The following CELF4 variants were observed in gnomAD, a reference collection of about 807,000 sequenced individuals.
CELF4 encodes CUGBP Elav-like family member 4.
CELF4 carries 18 observed loss-of-function variants against 59.9 expected under a neutral mutation model. The observed-to-expected ratio is 0.30, with a 90% confidence interval of 0.21 to 0.45. CELF4 has a LOEUF of 0.45. Among genes scored for constraint, CELF4 ranks in the 20% least tolerant of loss-of-function variants. The pLI is 1.00. For synonymous variants in CELF4, 261 were observed against 267.1 expected (o/e 0.98, Z 0.22); for missense variants, 456 against 689.0 (o/e 0.66, Z 3.79).
At position 37,246,646 on chromosome 18, in the gene CELF4, C is replaced by T. The variant is rs2062269173; in HGVS notation, c.*45-1449G>A. On this transcript the variant is annotated intron_variant, in intron 12 of 12. Transcript: ENST00000420428. This position sits in a 1 kb window ranked among gnomAD's most constrained non-coding sequence, Gnocchi z 5.3. The stretch of plus-strand genomic sequence containing the variant: ...GAAAATAGCCTAACTGGAAAAAGAC[C>T]AGACCTAGGAAAGTGTCAATTGAAA... Among the ~76,000 whole-genome samples, 1 of 151,660 alleles carries T rather than the reference C, an allele frequency of 6.6e-6. No individual in the cohort carries two copies. The highest frequency in any genetic ancestry group is 2.4e-5 in the African/African-American group (1 of 41,222).
At chr18:37,344,573 G>A (rs2098179000) in intron 2 of CELF4, among the ~76,000 whole-genome samples, 1 of 152,252 alleles carries the variant, frequency 6.6e-6, no homozygotes, top group Non-Finnish European at 1.5e-5. Flanking sequence ...CTTTGCCGAG[G>A]TGAGGAAAGG....
At chr18:37,434,098 C>T (rs927426723) in intron 2 of CELF4, among the ~76,000 whole-genome samples, 3 of 152,164 alleles carry the variant, frequency 2.0e-5, no homozygotes, top group African/African-American at 7.2e-5. Context: ...GTGAGCTGAT[C>T]GCTTTGTTGG....
intron 1 of CELF4, among the ~76,000 whole-genome samples, chr18:37,506,789 T>A (rs1384914625): frequency 1.3e-5 from 2 of 152,192 alleles, no homozygotes; most frequent in Non-Finnish European, 2.9e-5. Context: ...GGGGGAAGCA[T>A]CGCGCCTTGC....
chr18:37,434,721 G>A, intron 2 of CELF4, among the ~76,000 whole-genome samples: 1 of 152,160 alleles, frequency 6.6e-6, no homozygotes, highest in East Asian at 1.9e-4. Flanking sequence ...GATGCGATCA[G>A]TAAATACCTA....
At chr18:37,387,337 C>A (rs1266382333) in intron 2 of CELF4, among the ~76,000 whole-genome samples, 2 of 152,232 alleles carry the variant, frequency 1.3e-5, no homozygotes, top group Non-Finnish European at 2.9e-5. Context: ...GCAAGGGGCC[C>A]TCACAACCTG....
intron 2 of CELF4, among the ~76,000 whole-genome samples, chr18:37,470,876 GTGTGTGTGTGTGAC>G (rs1457493848): frequency 8.7e-6 from 1 of 114,862 alleles, no homozygotes. Flanking sequence ...GTGTGTGTGT[GTGTGTGTGTGTGAC>G]AGAGAGAGAG....
rs192333135 is a variant in CELF4, at chr18:37,558,737, C to T, written c.286+6619G>A. Among the ~76,000 whole-genome samples, 253 of 151,936 alleles carry T rather than the reference C, an allele frequency of 1.7e-3. 1 individual carries two copies. Among genetic ancestry groups the T allele is most frequent in the African/African-American group, 5.8e-3 (240 of 41,416 alleles). On this transcript the variant is annotated intron_variant, in intron 1 of 12. Coordinates refer to ENST00000420428, the MANE Select transcript of CELF4 (RefSeq NM_020180.4). ...AAGGAGGGCAACCGGCTCCCTGCCACGCCCTGCTTGGATTTAGGTAAAATG... is the reference window on the plus strand; with the variant it reads ...AAGGAGGGCAACCGGCTCCCTGCCATGCCCTGCTTGGATTTAGGTAAAATG...
intron 1 of CELF4, among the ~76,000 whole-genome samples, chr18:37,507,976 G>C (rs1380443750): frequency 6.6e-6 from 1 of 152,002 alleles, no homozygotes; most frequent in African/African-American, 2.4e-5. Flanking sequence ...CATCTCCAAA[G>C]TGGATTCCTC....
intron 2 of CELF4, among the ~76,000 whole-genome samples, chr18:37,403,789 T>C (rs1420526454): frequency 6.6e-6 from 1 of 152,206 alleles, no homozygotes; most frequent in Non-Finnish European, 1.5e-5. Flanking sequence ...CTCATGCAGA[T>C]GCTGTGGCTG....
At chr18:37,352,660 C>T (rs1211101436) in intron 2 of CELF4, among the ~76,000 whole-genome samples, 1 of 151,994 alleles carries the variant, frequency 6.6e-6, no homozygotes, top group African/African-American at 2.4e-5. Context: ...GCAGCCTGGC[C>T]CTAGAGCTGG....
At chr18:37,290,127 G>C (rs1298357382) in intron 3 of CELF4, among the ~76,000 whole-genome samples, 1 of 152,146 alleles carries the variant, frequency 6.6e-6, no homozygotes, top group Non-Finnish European at 1.5e-5. Flanking sequence ...TGATGATGGT[G>C]CTGAGCTGGG....
rs141055533 is a variant in CELF4, at chr18:37,474,531, G to A, written c.369+10994C>T. Among the ~76,000 whole-genome samples, 985 of 152,358 alleles carry A rather than the reference G, an allele frequency of 6.5e-3. 18 individuals are homozygous for A. The highest frequency in any genetic ancestry group is 0.022 in the African/African-American group (916 of 41,594). ...CCCTAGGATGAGGAGGAAGGAGCAT[G>A]GGCTCTGGCGCCAGATCTCTCCATG... On this transcript the variant is annotated intron_variant, in intron 2 of 12. Transcript: ENST00000420428.
At chr18:37,248,951 CAGGGAGGGAGGG>C (rs113251007) in intron 12 of CELF4, among the ~76,000 whole-genome samples, 8 of 148,928 alleles carry the variant, frequency 5.4e-5, no homozygotes, top group Non-Finnish European at 8.9e-5. Context: ...TGCTTTCCTG[CAGGGAGGGAGGG>C]AGGGAGGAAG....
chr18:37,335,556 C>T (rs539677856), intron 2 of CELF4, among the ~76,000 whole-genome samples: 225 of 151,164 alleles, frequency 1.5e-3, no homozygotes, highest in Middle Eastern at 0.01. Flanking sequence ...GTGTGATGTG[C>T]GTGCTGTGTA....
At position 37,338,642 on chromosome 18, in the gene CELF4, T is replaced by C. The variant is rs536682232; in HGVS notation, c.370-16761A>G. On this transcript the variant is annotated intron_variant, in intron 2 of 12. Coordinates refer to ENST00000420428, the MANE Select transcript of CELF4 (RefSeq NM_020180.4). ...CTCCACTGGGCACCAGGCCACGTGA[T>C]GTCATGGGAACAGCATGACTAGCTC... Among the ~76,000 whole-genome samples, 255 of 152,306 alleles carry C rather than the reference T, an allele frequency of 1.7e-3. 1 individual carries two copies. The highest frequency in any genetic ancestry group is 6.0e-3 in the African/African-American group (248 of 41,562).
At chr18:37,289,107 C>T (rs2095100634) in intron 3 of CELF4, among the ~76,000 whole-genome samples, 1 of 152,102 alleles carries the variant, frequency 6.6e-6, no homozygotes, top group Non-Finnish European at 1.5e-5. Context: ...AAGAAAAGTG[C>T]TTCCAAATTA....
At position 37,244,061 on chromosome 18, in the gene CELF4, AG is replaced by A. The variant is rs577784177; in HGVS notation, c.*1180del. On this transcript the variant is annotated 3_prime_UTR_variant, in exon 13 of 13. Transcript: ENST00000420428. ...GCATCCGACTGCACTCGCGGGGAGA[AG>A]GGATTGATGCTCTGTCTAAACTCTA... 943 of 156,806 alleles carry A rather than the reference AG, an allele frequency of 6.0e-3. 7 individuals carry two copies. The highest frequency in any genetic ancestry group is 0.022 in the African/African-American group (900 of 41,664). 9.7% of individuals were successfully genotyped at this position (156,806 alleles called of 1,614,324 possible). A position where few individuals can be genotyped will look rare whatever the true frequency, so the allele number is the denominator to read the frequency against.
At chr18:37,401,346 A>C (rs1428199848) in intron 2 of CELF4, among the ~76,000 whole-genome samples, 1 of 152,182 alleles carries the variant, frequency 6.6e-6, no homozygotes, top group African/African-American at 2.4e-5. Context: ...GCAAGCACCT[A>C]CTGTGTGGAG....
chr18:37,457,501 C>G (rs2099781659), intron 2 of CELF4, among the ~76,000 whole-genome samples: 1 of 152,162 alleles, frequency 6.6e-6, no homozygotes, highest in Non-Finnish European at 1.5e-5. Context: ...CAGGCAGCTG[C>G]TGAACAAATC....
Sources: allele counts gnomAD v4.1 joint callset (sites outside exome capture counted in the v4.1 genomes callset), GRCh38; gene constraint gnomAD v4.1.1; non-coding constraint Gnocchi (gnomAD v3.1); transcripts MANE v1.5; gene names NCBI Gene and HGNC (gene_info 2026-07-23, HGNC 2026-07-21).